The following ADAMTS13 variants were observed in gnomAD, a reference collection of about 807,000 sequenced individuals.
ADAMTS13 encodes the protein A disintegrin and metalloproteinase with thrombospondin motifs 13.
A neutral mutation model predicts 155.1 loss-of-function variants in ADAMTS13; 110 were observed. The ratio of observed to expected loss-of-function variants is 0.71; its 90% CI spans 0.61 to 0.83. ADAMTS13 has a LOEUF of 0.83. ADAMTS13 is among the 40% of genes least tolerant of loss of function. ADAMTS13 has a pLI of 0.00. For synonymous variants in ADAMTS13, 758 were observed against 756.4 expected (o/e 1.00, Z -0.03); for missense variants, 1,707 against 1,891.7 (o/e 0.90, Z 1.81).
At position 133,438,914 on chromosome 9, in the gene ADAMTS13, A is replaced by AAAAG. The variant is rs1841452242; in HGVS notation, c.1706-449_1706-448insGAAA. Among the ~76,000 whole-genome samples, 5 of 151,394 alleles carry AAAAG rather than the reference A, an allele frequency of 3.3e-5. No individual in the cohort carries two copies. In the South Asian group the frequency reaches 1.0e-3, roughly 32 times the overall value. On this transcript the variant is annotated intron_variant, in intron 14 of 28. Coordinates refer to ENST00000355699, the MANE Select transcript of ADAMTS13 (RefSeq NM_139027.6). ...CAACAGAGTGAGACACTGTCTCAAA[A>AAAAG]AAAAAAAAAAAAAAGTATGGACGTT...
intron 7 of ADAMTS13, 38 bp from the exon 8 acceptor site, chr9:133,429,901 C>G (rs1840612828): frequency 6.5e-7 from 1 of 1,534,474 alleles, no homozygotes; most frequent in South Asian, 1.2e-5. Context: ...GGTGTACACC[C>G]CGGGACTGAG....
At position 133,457,904 on chromosome 9, in the gene ADAMTS13, C is replaced by T. The variant is rs1842835383; in HGVS notation, c.3725-6C>T. 1 of 1,613,794 alleles carries T rather than the reference C, an allele frequency of 6.2e-7. No individual in the cohort carries two copies. The highest frequency in any genetic ancestry group is 1.3e-5 in the African/African-American group (1 of 75,060). Reference sequence around the variant, plus strand: ...GGGTTCCTATGTCCCTATGTCCCACCTGCAGAATGTGACATGCAGCTCTTT... The same window carrying T: ...GGGTTCCTATGTCCCTATGTCCCACTTGCAGAATGTGACATGCAGCTCTTT... On this transcript the variant is annotated splice_region_variant and splice_polypyrimidine_tract_variant and intron_variant, in intron 27 of 28. Transcript: ENST00000355699.
Position 133,456,106 on chromosome 9 carries a change from C to A in ADAMTS13, c.3438C>A (p.Thr1146=). 6.2e-7 allele frequency: 1 copy of A among 1,613,336 alleles called. No homozygotes were observed. The highest frequency in any genetic ancestry group is 1.1e-5 in the South Asian group (1 of 91,088). The change falls in exon 26 of 29, where the codon ACC becomes ACA. Residue 1146 remains threonine, a synonymous_variant. Transcript: ENST00000355699. The surrounding 1 kb of genome is among the most constrained non-coding windows in gnomAD (Gnocchi z 4.4). ...GGCAGCACCTTGAGCCAACAGGAAC[C>A]ATTGACATGCGAGGCCCAGGGCAGG... The part of the protein sequence containing the change: ...CGRQHLEPTG[T]IDMRGPGQAD...
chr9:133,456,061 C>T lies in ADAMTS13; in HGVS notation c.3401-8C>T. ...GCACTGCTTACCTGTCTCCTGCTCC[C>T]TTTTCAGGTGCCTGTGGCAGGCAGC... is the stretch of plus-strand genomic sequence containing the variant. On this transcript the variant is annotated splice_polypyrimidine_tract_variant and splice_region_variant and intron_variant, in intron 25 of 28. Coordinates refer to ENST00000355699, the MANE Select transcript of ADAMTS13 (RefSeq NM_139027.6). This position sits in a 1 kb window ranked among gnomAD's most constrained non-coding sequence, Gnocchi z 4.4. 5.0e-6 allele frequency: 8 copies of T among 1,613,262 alleles called. No individual in the cohort carries two copies. Among genetic ancestry groups the T allele is most frequent in the Non-Finnish European group, 6.8e-6 (8 of 1,180,034 alleles).
chr9:133,444,789 C>T, intron 19 of ADAMTS13, 74 bp from the exon 20 acceptor site: 6 of 1,507,146 alleles, frequency 4.0e-6, no homozygotes, highest in Middle Eastern at 1.8e-4. Context: ...TTCCTCCCTG[C>T]CCCTAGCAGC....
Position 133,449,937 on chromosome 9 carries a change from G to A in ADAMTS13, c.3016G>A (p.Ala1006Thr). Reference protein sequence around the residue: ...QGLPRPEPQEACSLEPCPPRW... With the variant: ...QGLPRPEPQETCSLEPCPPRW... ...GCTGCCTCGCCCGGAACCCCAGGAGGCCTGCAGCCTGGAGCCCTGCCCACC... is the reference window on the plus strand; with the variant it reads ...GCTGCCTCGCCCGGAACCCCAGGAGACCTGCAGCCTGGAGCCCTGCCCACC... The change falls in exon 23 of 29, where the codon GCC becomes ACC. Residue 1006 changes from alanine to threonine, a missense_variant. Ala to Thr is a moderately conservative substitution (Grantham distance 58, BLOSUM62 0). Transcript: ENST00000355699. The A allele has an allele frequency of 6.2e-7, 1 of 1,609,016 alleles. No homozygotes were observed. The highest frequency in any genetic ancestry group is 8.5e-7 in the Non-Finnish European group (1 of 1,178,670).
At chr9:133,419,331 G>A (rs1554782492), upstream of ADAMTS13, among the ~76,000 whole-genome samples, 1 of 152,128 alleles carries the variant, frequency 6.6e-6, no homozygotes, top group Non-Finnish European at 1.5e-5. Flanking sequence ...GAGTTTGAAC[G>A]GGCCGTCAGT....
chr9:133,441,797 C>T lies in ADAMTS13; in HGVS notation c.1969-602C>T, dbSNP rs957376369. On this transcript the variant is annotated intron_variant, in intron 16 of 28. Transcript: ENST00000355699. This position sits in a 1 kb window ranked among gnomAD's most constrained non-coding sequence, Gnocchi z 5.0. Reference sequence around the variant, plus strand: ...CCCCAGGGATCCAGTTTCTTCCTGCCGACCCTACGGGCCTCAGCTCTGGCT... The same window carrying T: ...CCCCAGGGATCCAGTTTCTTCCTGCTGACCCTACGGGCCTCAGCTCTGGCT... Among the ~76,000 whole-genome samples the T allele has an allele frequency of 3.3e-5, 5 of 152,188 alleles. No individual in the cohort carries two copies. Among genetic ancestry groups the T allele is most frequent in the East Asian group, 1.9e-4 (1 of 5,190 alleles).
rs142107133 is a variant in ADAMTS13, at chr9:133,424,478, C to T, written c.330C>T (p.Ile110=). The T allele has an allele frequency of 5.4e-5, 87 of 1,612,642 alleles. No homozygotes were observed. The Middle Eastern group carries it at 6.6e-4, about 12-fold the overall frequency. ...TERYVLTNLN[I]GAELLRDPSL... is the part of the protein sequence containing the mutation. The stretch of plus-strand genomic sequence containing the variant: ...GCTATGTGCTCACCAACCTCAACAT[C>T]GTGAGTGCCCCACGCTGGACTGTGC... Residue 110 remains isoleucine (I), a splice_region_variant and synonymous_variant, in exon 3 of 29, where the codon ATC becomes ATT. Coordinates refer to ENST00000355699, the MANE Select transcript of ADAMTS13 (RefSeq NM_139027.6). The surrounding 1 kb of genome is among the most constrained non-coding windows in gnomAD (Gnocchi z 4.3).
chr9:133,449,717 G>A lies in ADAMTS13; in HGVS notation c.2862-66G>A, dbSNP rs929680855. 4 of 1,581,062 alleles carry A rather than the reference G, an allele frequency of 2.5e-6. No individual in the cohort carries two copies. The African/African-American group carries it at 5.4e-5, about 21-fold the overall frequency. The stretch of plus-strand genomic sequence containing the variant: ...TCCTAGTCTGGGGAAATGAAGGGGA[G>A]ACCTGGCTCCCCTGGGTTCCCAGGC... On this transcript the variant is annotated intron_variant, in intron 22 of 28. Transcript: ENST00000355699.
At chr9:133,447,692 G>A (rs1554793048) in intron 21 of ADAMTS13, among the ~76,000 whole-genome samples, 2 of 151,930 alleles carry the variant, frequency 1.3e-5, no homozygotes, top group Non-Finnish European at 2.9e-5. Context: ...ATGTTCAAAC[G>A]ATTCTCATGC....
At position 133,433,578 on chromosome 9, in the gene ADAMTS13, G is replaced by C. The variant is rs1588166108; in HGVS notation, c.1244+49G>C. 1.9e-6 allele frequency: 3 copies of C among 1,613,728 alleles called. No individual in the cohort carries two copies. The East Asian group carries it at 6.7e-5, about 36-fold the overall frequency. On this transcript the variant is annotated intron_variant, in intron 10 of 28. Transcript: ENST00000355699. ...TGTCAGGGAGTGTGGCCATACCATA[G>C]TCCCTAGTTGAAGGCAGTGGTCACC...
intron 27 of ADAMTS13, among the ~76,000 whole-genome samples, chr9:133,457,396 G>A (rs587755523): frequency 3.3e-5 from 5 of 152,330 alleles, no homozygotes; most frequent in South Asian, 2.1e-4. Flanking sequence ...GCAGAGAGCC[G>A]TGTATGTGTC....
In ADAMTS13 at chr9:133,424,742, C is replaced by T; in HGVS notation, c.330+264C>T. ...GGCCACCCTCAAGCCTGGCCTCTTC[C>T]CCAGTATCCATTTGACCCCCACAAA... On this transcript the variant is annotated intron_variant, in intron 3 of 28. Coordinates refer to ENST00000355699, the MANE Select transcript of ADAMTS13 (RefSeq NM_139027.6). This position sits in a 1 kb window ranked among gnomAD's most constrained non-coding sequence, Gnocchi z 4.3. Among the ~76,000 whole-genome samples, 1 of 152,136 alleles carries T rather than the reference C, an allele frequency of 6.6e-6. No homozygotes were observed. The highest frequency in any genetic ancestry group is 1.9e-4 in the East Asian group (1 of 5,184).
rs1554789211 is a variant in ADAMTS13, at chr9:133,436,902, C to T, written c.1382C>T (p.Ser461Phe). The change falls in exon 12 of 29, where the codon TCC becomes TTC. Residue 461 changes from serine to phenylalanine, a missense_variant. Physicochemically the swap from Ser to Phe is radical, Grantham distance 155. Around this residue, in one of 3 missense-constraint regions of ADAMTS13, gnomAD observed 733 missense variants for 749.6 expected, o/e 0.98. Transcript: ENST00000355699. ...ARTDGQPLRS[S>F]PGGASFYHWG... The stretch of plus-strand genomic sequence containing the variant: ...ACCGACGGCCAGCCGCTGCGCTCCT[C>T]CCCTGGCGGCGCCTCCTTCTACCAC... The T allele has an allele frequency of 1.9e-6, 3 of 1,588,470 alleles. No individual in the cohort carries two copies. Among genetic ancestry groups the T allele is most frequent in the Non-Finnish European group, 2.6e-6 (3 of 1,168,358 alleles).
At chr9:133,423,412 C>T (rs1352490499) in intron 2 of ADAMTS13, among the ~76,000 whole-genome samples, 6 of 152,190 alleles carry the variant, frequency 3.9e-5, no homozygotes, top group East Asian at 3.8e-4. Flanking sequence ...GAACGGTCAC[C>T]GATTGGCTGG....
chr9:133,429,747 C>T (rs1840593348), intron 7 of ADAMTS13, 192 bp from the exon 8 acceptor site: 1 of 794,550 alleles, frequency 1.3e-6, no homozygotes, highest in Non-Finnish European at 2.1e-6. Flanking sequence ...CACCTCTGCG[C>T]CGGCAGGAGC....
At chr9:133,450,609 C>T (rs1311583966) in intron 23 of ADAMTS13, among the ~76,000 whole-genome samples, 2 of 151,202 alleles carry the variant, frequency 1.3e-5, no homozygotes, top group East Asian at 1.9e-4. Flanking sequence ...ATTAGCCTGG[C>T]GTGGTGGTGT....
intron 24 of ADAMTS13, among the ~76,000 whole-genome samples, 178 bp from the exon 25 acceptor site, chr9:133,455,107 A>G (rs1479147520): frequency 6.6e-6 from 1 of 152,100 alleles, no homozygotes; most frequent in Non-Finnish European, 1.5e-5. Flanking sequence ...TCCCACCTAT[A>G]TGACCCATGC....
Sources: allele counts gnomAD v4.1 joint callset (sites outside exome capture counted in the v4.1 genomes callset), GRCh38; gene constraint gnomAD v4.1.1; regional missense constraint gnomAD v4.1.1; non-coding constraint Gnocchi (gnomAD v3.1); transcripts MANE v1.5; gene names NCBI Gene and HGNC (gene_info 2026-07-23, HGNC 2026-07-21).